The following CRPPA variants were observed in gnomAD, a reference collection of about 807,000 sequenced individuals.
CRPPA encodes CDP-L-ribitol pyrophosphorylase A, also known as D-ribitol-5-phosphate cytidylyltransferase.
Under a neutral mutation model 52.0 loss-of-function variants are expected in CRPPA, and 43 were observed. The observed-to-expected ratio is 0.83, with a 90% CI of 0.65 to 1.07. The LOEUF is 1.07. Among genes scored for constraint, CRPPA ranks in the 50% least tolerant of loss-of-function variants. CRPPA has a pLI of 0.00. For synonymous variants in CRPPA, 250 were observed against 203.5 expected (o/e 1.23, Z -1.94); for missense variants, 629 against 551.7 (o/e 1.14, Z -1.40).
intron 3 of CRPPA, among the ~76,000 whole-genome samples, chr7:16,324,276 G>T (rs1248600985): frequency 6.6e-6 from 1 of 152,194 alleles, no homozygotes; most frequent in Non-Finnish European, 1.5e-5. Context: ...ACAGACAGCT[G>T]CAGACTGGTG....
In CRPPA at chr7:16,145,234, T is replaced by C. The variant is rs75391325; in HGVS notation, c.1252-53435A>G. On this transcript the variant is annotated intron_variant, in intron 9 of 9. Coordinates refer to ENST00000407010, the MANE Select transcript of CRPPA (RefSeq NM_001101426.4). ...ACAAACCTGAAGGAAGCTACACTAATCTGTGCCCCTAGTAATAGGCCTGCC... is the reference window on the plus strand; with the variant it reads ...ACAAACCTGAAGGAAGCTACACTAACCTGTGCCCCTAGTAATAGGCCTGCC... Among the ~76,000 whole-genome samples the C allele has an allele frequency of 2.4e-3, 360 of 152,280 alleles. 14 individuals are homozygous for C. The East Asian group carries it at 0.052, about 22-fold the overall frequency.
intron 9 of CRPPA, among the ~76,000 whole-genome samples, chr7:16,094,845 A>T (rs1781905538): frequency 6.6e-6 from 1 of 152,134 alleles, no homozygotes; most frequent in Non-Finnish European, 1.5e-5. Flanking sequence ...AGTGCTCCTC[A>T]AAACTGTACA....
intron 3 of CRPPA, among the ~76,000 whole-genome samples, chr7:16,320,971 T>C (rs1257839566): frequency 1.3e-5 from 2 of 152,124 alleles, no homozygotes; most frequent in African/African-American, 4.8e-5. Flanking sequence ...TAAGATTTCT[T>C]CTTTGAGTAA....
chr7:16,152,830 T>A (rs1217121530), intron 9 of CRPPA, among the ~76,000 whole-genome samples: 1 of 151,992 alleles, frequency 6.6e-6, no homozygotes, highest in South Asian at 2.1e-4. Context: ...CTGTAATATA[T>A]AAAGTTCTCA....
intron 8 of CRPPA, among the ~76,000 whole-genome samples, chr7:16,222,090 T>A (rs921621355): frequency 2.0e-5 from 3 of 150,950 alleles, no homozygotes; most frequent in Non-Finnish European, 4.4e-5. Flanking sequence ...ATGTGGCACA[T>A]ATACACCATG....
chr7:16,379,178 T>C (rs1445068625), intron 2 of CRPPA, among the ~76,000 whole-genome samples: 3 of 152,236 alleles, frequency 2.0e-5, no homozygotes, highest in Non-Finnish European at 4.4e-5. Context: ...ATGAAGTTCT[T>C]GCCCATGCCT....
At chr7:16,393,461 A>C (rs985582012) in intron 2 of CRPPA, among the ~76,000 whole-genome samples, 1 of 152,104 alleles carries the variant, frequency 6.6e-6, no homozygotes, top group African/African-American at 2.4e-5. Flanking sequence ...ATATGACAGA[A>C]GTGGCAGTGC....
At chr7:16,419,672 G>C (rs1788280691) in intron 1 of CRPPA, among the ~76,000 whole-genome samples, 2 of 151,866 alleles carry the variant, frequency 1.3e-5, no homozygotes, top group South Asian at 4.2e-4. Context: ...ACCCAACCCA[G>C]TAATCTGTCT....
chr7:16,258,494 G>A lies in CRPPA; in HGVS notation c.1027-12C>T. The A allele has an allele frequency of 6.5e-7, 1 of 1,543,922 alleles. No homozygotes were observed. The highest frequency in any genetic ancestry group is 8.8e-7 in the Non-Finnish European group (1 of 1,132,662). On this transcript the variant is annotated splice_polypyrimidine_tract_variant and intron_variant, in intron 7 of 9. Transcript: ENST00000407010. Reference sequence around the variant, plus strand: ...TCAGAGGTTGTAACCTAAAAGACCAGAAAAATAAAAGGATATGAGAAGACG... The same window carrying A: ...TCAGAGGTTGTAACCTAAAAGACCAAAAAAATAAAAGGATATGAGAAGACG...
intron 3 of CRPPA, among the ~76,000 whole-genome samples, chr7:16,362,798 G>A (rs368449148): frequency 5.9e-5 from 9 of 152,204 alleles, no homozygotes; most frequent in East Asian, 1.9e-4. Context: ...AATGATCTGC[G>A]CATTTAACTC....
chr7:16,390,226 C>G (rs1202449906), intron 2 of CRPPA, among the ~76,000 whole-genome samples: 1 of 151,824 alleles, frequency 6.6e-6, no homozygotes, highest in Non-Finnish European at 1.5e-5. Flanking sequence ...TTTAATTATG[C>G]TTATTAATAT....
At chr7:16,344,349 T>C (rs1181225571) in intron 3 of CRPPA, among the ~76,000 whole-genome samples, 1 of 146,188 alleles carries the variant, frequency 6.8e-6, no homozygotes, top group African/African-American at 2.5e-5. Flanking sequence ...GTGGGATCAC[T>C]TGAGGACAGG....
chr7:16,172,239 T>G (rs1781204447), intron 9 of CRPPA, among the ~76,000 whole-genome samples: 1 of 152,140 alleles, frequency 6.6e-6, no homozygotes, highest in Non-Finnish European at 1.5e-5. Flanking sequence ...AAGTACAAAC[T>G]AAGGAGCTTG....
chr7:16,254,832 A>AGAAAGAAG (rs1783585163), intron 8 of CRPPA, among the ~76,000 whole-genome samples: 2 of 150,992 alleles, frequency 1.3e-5, no homozygotes, highest in African/African-American at 2.4e-5. Context: ...AAAGAAAGAA[A>AGAAAGAAG]GAAAGAAAGA....
At chr7:16,302,626 C>T (rs538556423) in intron 4 of CRPPA, among the ~76,000 whole-genome samples, 1 of 152,210 alleles carries the variant, frequency 6.6e-6, no homozygotes, top group Admixed American at 6.5e-5. Context: ...CTCACCATGC[C>T]TAAACTCAGC....
intron 3 of CRPPA, among the ~76,000 whole-genome samples, chr7:16,368,297 T>C (rs540913026): frequency 6.6e-6 from 1 of 152,330 alleles, no homozygotes; most frequent in South Asian, 2.1e-4. Flanking sequence ...CTTTTGTTAT[T>C]TTCTTTAGAA....
intron 3 of CRPPA, among the ~76,000 whole-genome samples, chr7:16,342,798 T>TAGATATATAGATATATATATATAG (rs1491461185): frequency 9.9e-6 from 1 of 101,254 alleles, no homozygotes; most frequent in African/African-American, 4.1e-5. Context: ...TATATATATA[T>TAGATATATAGATATATATATATAG]CTATATAGAT....
At chr7:16,138,770 C>A (rs563184610) in intron 9 of CRPPA, among the ~76,000 whole-genome samples, 32 of 152,024 alleles carry the variant, frequency 2.1e-4, no homozygotes, top group Non-Finnish European at 3.5e-4. Context: ...GTAAAGGGCC[C>A]ATTTACCCCC....
At chr7:16,138,015 T>C (rs753714491) in intron 9 of CRPPA, among the ~76,000 whole-genome samples, 7 of 152,184 alleles carry the variant, frequency 4.6e-5, no homozygotes, top group Admixed American at 6.5e-5. Flanking sequence ...TTTATTCTTT[T>C]TTGAAGTGAC....
Sources: allele counts gnomAD v4.1 joint callset (sites outside exome capture counted in the v4.1 genomes callset), GRCh38; gene constraint gnomAD v4.1.1; transcripts MANE v1.5; gene names NCBI Gene and HGNC (gene_info 2026-07-23, HGNC 2026-07-21).